The following C14orf39 variants were observed in gnomAD, a reference collection of about 807,000 sequenced individuals.
C14orf39 encodes the protein chromosome 14 open reading frame 39, also known as protein SIX6OS1.
In C14orf39, 66 loss-of-function variants were observed where a neutral mutation model predicts 85.6. That is an observed-to-expected ratio of 0.77 (90% CI 0.63 to 0.95). The LOEUF (loss-of-function observed/expected upper bound fraction) is 0.95. C14orf39 is among the 40% of genes least tolerant of loss of function. C14orf39 has a pLI of 0.00. For missense variants in C14orf39, 735 were observed against 663.9 expected, an observed-to-expected ratio of 1.11 and a Z score of -1.18; for synonymous variants, 242 against 214.0, an observed-to-expected ratio of 1.13 and a Z score of -1.14.
intron 16 of C14orf39, among the ~76,000 whole-genome samples, chr14:60,448,686 T>A (rs1890895291): frequency 6.6e-6 from 1 of 152,208 alleles, no homozygotes; most frequent in African/African-American, 2.4e-5. Context: ...ACTGGGTATA[T>A]ACCCAAAGGA....
Position 60,467,056 on chromosome 14 carries a change from G to C in C14orf39, c.768-12C>G. 3 of 1,247,086 alleles carry C rather than the reference G, an allele frequency of 2.4e-6. No homozygotes were observed. Among genetic ancestry groups the C allele is most frequent in the Non-Finnish European group, 3.2e-6 (3 of 944,808 alleles). 77.3% of individuals were successfully genotyped at this position (1,247,086 alleles called of 1,614,324 possible). On this transcript the variant is annotated splice_polypyrimidine_tract_variant and intron_variant, in intron 9 of 17. Coordinates refer to ENST00000321731, the MANE Select transcript of C14orf39 (RefSeq NM_174978.3). ...CTTTTCCAAAAATTCTAAAGAGAAAGGTGAATTACATTAAATATTAGATAA... is the reference window on the plus strand; with the variant it reads ...CTTTTCCAAAAATTCTAAAGAGAAACGTGAATTACATTAAATATTAGATAA...
At chr14:60,506,197 C>T (rs1384837777) in intron 1 of C14orf39, among the ~76,000 whole-genome samples, 1 of 152,184 alleles carries the variant, frequency 6.6e-6, no homozygotes, top group African/African-American at 2.4e-5. Flanking sequence ...TAGCAAGCTG[C>T]AAAACCACCC....
chr14:60,503,030 C>T (rs1893165379), intron 1 of C14orf39, among the ~76,000 whole-genome samples: 1 of 152,220 alleles, frequency 6.6e-6, no homozygotes, highest in Non-Finnish European at 1.5e-5. Flanking sequence ...GTGAGCATCA[C>T]TGTTATTCTT....
chr14:60,451,604 G>A (rs915971631), intron 16 of C14orf39, among the ~76,000 whole-genome samples: 11 of 150,414 alleles, frequency 7.3e-5, no homozygotes, highest in East Asian at 2.0e-4. Flanking sequence ...ACTAAACACC[G>A]CATGTTCTCA....
chr14:60,472,863 A>G (rs1892168386), intron 5 of C14orf39, among the ~76,000 whole-genome samples: 1 of 152,178 alleles, frequency 6.6e-6, no homozygotes, highest in African/African-American at 2.4e-5. Flanking sequence ...CGCAATAAAC[A>G]TACGTGTGCA....
intron 16 of C14orf39, among the ~76,000 whole-genome samples, chr14:60,446,532 G>C (rs1369209334): frequency 1.3e-5 from 2 of 152,126 alleles, no homozygotes; most frequent in African/African-American, 4.8e-5. Context: ...ACGAATGACA[G>C]ATTCTGAAAT....
At chr14:60,453,024 T>C (rs1207500352) in intron 16 of C14orf39, among the ~76,000 whole-genome samples, 3 of 152,128 alleles carry the variant, frequency 2.0e-5, no homozygotes, top group Non-Finnish European at 4.4e-5. Context: ...AAAGAATATA[T>C]ATGCTGCAGT....
At chr14:60,509,705 C>T (rs779088115) in intron 1 of C14orf39, 2 of 1,614,110 alleles carry the variant, frequency 1.2e-6, no homozygotes, top group Non-Finnish European at 1.7e-6. Flanking sequence ...TGAGAAGCTG[C>T]GTGGAAGACC....
intron 1 of C14orf39, among the ~76,000 whole-genome samples, chr14:60,513,534 T>C (rs1160219712): frequency 6.6e-6 from 1 of 152,202 alleles, no homozygotes; most frequent in South Asian, 2.1e-4. Flanking sequence ...TCCACTCTTG[T>C]TCCCCAGCCC....
chr14:60,461,620 C>T (rs1891539038), intron 11 of C14orf39, 27 bp from the exon 12 acceptor site: 2 of 1,441,414 alleles, frequency 1.4e-6, no homozygotes, highest in East Asian at 4.6e-5. Context: ...AAGCATCTGA[C>T]TTGGCTACAC....
intron 16 of C14orf39, among the ~76,000 whole-genome samples, chr14:60,452,156 G>A (rs370266279): frequency 1.5e-5 from 2 of 135,026 alleles, no homozygotes; most frequent in African/African-American, 2.8e-5. Context: ...CAACTGCAAA[G>A]ACTCCATCTC....
At chr14:60,515,544 G>A (rs1893354530), upstream of C14orf39, 1 of 151,102 alleles carries the variant, frequency 6.6e-6, no homozygotes, top group African/African-American at 2.4e-5. This position sits in a 1 kb window ranked among gnomAD's most constrained non-coding sequence, Gnocchi z 6.2. Flanking sequence ...GTGGGAGAAT[G>A]AGCCCACAAG....
intron 4 of C14orf39, among the ~76,000 whole-genome samples, chr14:60,482,661 A>G (rs1405476984): frequency 6.6e-6 from 1 of 152,214 alleles, no homozygotes; most frequent in African/African-American, 2.4e-5. Context: ...GTATATCTGT[A>G]CATGACTGGA....
intron 1 of C14orf39, chr14:60,509,659 G>T: frequency 6.2e-7 from 1 of 1,613,984 alleles, no homozygotes; most frequent in Non-Finnish European, 8.5e-7. Flanking sequence ...ACGCCAAGCT[G>T]CAGGCGCTGT....
chr14:60,461,292 G>A, intron 13 of C14orf39, 62 bp downstream of exon 13: 12 of 1,408,784 alleles, frequency 8.5e-6, no homozygotes, highest in Non-Finnish European at 1.1e-5. Context: ...TTTGACTAAT[G>A]TAAAAACCTG....
intron 2 of C14orf39, among the ~76,000 whole-genome samples, chr14:60,497,299 AAC>A (rs1331927117): frequency 8.5e-5 from 13 of 152,192 alleles, no homozygotes; most frequent in Non-Finnish European, 1.3e-4. Flanking sequence ...CATAGCAATT[AAC>A]ACAGTTTTAA....
intron 16 of C14orf39, among the ~76,000 whole-genome samples, chr14:60,454,708 T>G (rs535665138): frequency 6.6e-6 from 1 of 152,156 alleles, no homozygotes; most frequent in East Asian, 1.9e-4. Context: ...CTAGTTTGTC[T>G]GAAAGTTAGA....
At chr14:60,445,279 TA>T (rs1252973244) in intron 16 of C14orf39, among the ~76,000 whole-genome samples, 3 of 152,018 alleles carry the variant, frequency 2.0e-5, no homozygotes, top group African/African-American at 4.8e-5. Flanking sequence ...GAAAATTGGA[TA>T]AAGAGTCAAG....
At chr14:60,463,836 A>T (rs1266926100) in intron 11 of C14orf39, among the ~76,000 whole-genome samples, 3 of 152,052 alleles carry the variant, frequency 2.0e-5, no homozygotes, top group African/African-American at 7.2e-5. Flanking sequence ...TATTCTGTGT[A>T]TGTTGGGCAC....
Sources: allele counts gnomAD v4.1 joint callset (sites outside exome capture counted in the v4.1 genomes callset), GRCh38; gene constraint gnomAD v4.1.1; non-coding constraint Gnocchi (gnomAD v3.1); transcripts MANE v1.5; gene names NCBI Gene and HGNC (gene_info 2026-07-23, HGNC 2026-07-21).